PRKCA: variants seen among roughly 807,000 people sequenced by gnomAD.
PRKCA encodes protein kinase C alpha.
Under a neutral mutation model 87.0 loss-of-function variants are expected in PRKCA, and 27 were observed. The ratio of observed to expected loss-of-function variants is 0.31; its 90% CI spans 0.23 to 0.43. The LOEUF (loss-of-function observed/expected upper bound fraction) is 0.43. Among genes scored for constraint, PRKCA ranks in the 20% least tolerant of loss-of-function variants. PRKCA has a pLI of 1.00. For missense variants in PRKCA, 518 were observed against 852.3 expected, an observed-to-expected ratio of 0.61 and a Z score of 4.88; for synonymous variants, 329 against 311.1, an observed-to-expected ratio of 1.06 and a Z score of -0.61.
chr17:66,343,588 G>A (rs1214335670), intron 2 of PRKCA, among the ~76,000 whole-genome samples: 1 of 152,190 alleles, frequency 6.6e-6, no homozygotes, highest in Non-Finnish European at 1.5e-5. Flanking sequence ...GACTATACCA[G>A]TTGGGTACTG....
At chr17:66,389,767 T>A (rs1477264526) in intron 2 of PRKCA, among the ~76,000 whole-genome samples, 2 of 152,254 alleles carry the variant, frequency 1.3e-5, no homozygotes, top group Non-Finnish European at 2.9e-5. Flanking sequence ...TGTTTGATGT[T>A]GGTTGAGAAA....
rs557920443 is a variant in PRKCA, at chr17:66,634,532, A to T, written c.289-6823A>T. On this transcript the variant is annotated intron_variant, in intron 3 of 16. Coordinates refer to ENST00000413366, the MANE Select transcript of PRKCA (RefSeq NM_002737.3). Reference sequence around the variant, plus strand: ...CACCAGATATTTCTTTGTGGCCCTAAGTCTAGCCAGACTTGCTGTAACTTA... The same window carrying T: ...CACCAGATATTTCTTTGTGGCCCTATGTCTAGCCAGACTTGCTGTAACTTA... Among the ~76,000 whole-genome samples the T allele has an allele frequency of 1.0e-3, 156 of 152,360 alleles. 1 individual carries two copies. Among genetic ancestry groups the T allele is most frequent in the Non-Finnish European group, 1.5e-3 (99 of 68,042 alleles).
intron 3 of PRKCA, among the ~76,000 whole-genome samples, chr17:66,528,146 A>G (rs1428527016): frequency 6.9e-6 from 1 of 144,624 alleles, no homozygotes; most frequent in Non-Finnish European, 1.5e-5. Context: ...TGAACCCGGG[A>G]GGCAGAGGTT....
intron 2 of PRKCA, among the ~76,000 whole-genome samples, chr17:66,380,292 A>C (rs969616824): frequency 2.0e-5 from 3 of 151,958 alleles, no homozygotes; most frequent in African/African-American, 7.3e-5. Flanking sequence ...ATACATACAT[A>C]TGTTCGGATG....
chr17:66,796,961 G>A (rs1369581320), intron 16 of PRKCA: 7 of 985,164 alleles, frequency 7.1e-6, no homozygotes, highest in Non-Finnish European at 8.4e-6. Flanking sequence ...TATTTGTTCT[G>A]CATCTTTCCT....
chr17:66,449,894 A>G (rs1216040765), intron 2 of PRKCA, among the ~76,000 whole-genome samples: 1 of 152,084 alleles, frequency 6.6e-6, no homozygotes, highest in Non-Finnish European at 1.5e-5. Flanking sequence ...TTGTTCTGCC[A>G]TGCGCTTCAG....
At chr17:66,459,662 A>G (rs1914752667) in intron 2 of PRKCA, among the ~76,000 whole-genome samples, 1 of 152,050 alleles carries the variant, frequency 6.6e-6, no homozygotes, top group Non-Finnish European at 1.5e-5. Context: ...GCAAAGAGAG[A>G]CCCATGGTTG....
chr17:66,735,098 GATTTC>G (rs1295713517), intron 9 of PRKCA, among the ~76,000 whole-genome samples: 1 of 152,198 alleles, frequency 6.6e-6, no homozygotes. Flanking sequence ...CGCAGGAACT[GATTTC>G]AAGTCTAGGT....
At chr17:66,452,865 AAAAC>A (rs1363538560) in intron 2 of PRKCA, among the ~76,000 whole-genome samples, 6 of 152,184 alleles carry the variant, frequency 3.9e-5, no homozygotes, top group Non-Finnish European at 5.9e-5. Flanking sequence ...CTCCGTCTCA[AAAAC>A]AAACAAACAA....
chr17:66,427,776 A>G (rs1380405287), intron 2 of PRKCA, among the ~76,000 whole-genome samples: 1 of 152,222 alleles, frequency 6.6e-6, no homozygotes, highest in Non-Finnish European at 1.5e-5. Flanking sequence ...CCAAGATGGC[A>G]GGTGCTTAAA....
chr17:66,629,948 A>G lies in PRKCA; in HGVS notation c.289-11407A>G, dbSNP rs115043805. On this transcript the variant is annotated intron_variant, in intron 3 of 16. Coordinates refer to ENST00000413366, the MANE Select transcript of PRKCA (RefSeq NM_002737.3). Reference sequence around the variant, plus strand: ...CATTTCTGGGTTTTGATCATGTGCTATGGTTATGTATAATGCTGTTATTTG... The same window carrying G: ...CATTTCTGGGTTTTGATCATGTGCTGTGGTTATGTATAATGCTGTTATTTG... 6.3e-3 allele frequency among the ~76,000 whole-genome samples: 957 copies of G among 152,266 alleles called. 13 individuals are homozygous for G. The highest frequency in any genetic ancestry group is 0.021 in the African/African-American group (886 of 41,552).
rs746601872 is a variant in PRKCA at position 66,804,911 on chromosome 17, C to T, written c.*874C>T. 7.1e-5 allele frequency: 59 copies of T among 834,210 alleles called. No individual in the cohort carries two copies. Among genetic ancestry groups the T allele is most frequent in the Non-Finnish European group, 8.5e-5 (59 of 694,374 alleles). The allele number at this position is 834,210 out of a possible 1,614,324, so 51.7% of individuals were successfully genotyped here. A position where few individuals can be genotyped will look rare whatever the true frequency, so the allele number is the denominator to read the frequency against. On this transcript the variant is annotated 3_prime_UTR_variant, in exon 17 of 17. Transcript: ENST00000413366. ...ACTCACCAGTGTTGTTCACCAACACCCACCCCCACACACACCAACATTTTG... is the reference window on the plus strand; with the variant it reads ...ACTCACCAGTGTTGTTCACCAACACTCACCCCCACACACACCAACATTTTG...
intron 2 of PRKCA, among the ~76,000 whole-genome samples, chr17:66,316,373 G>A (rs1004712086): frequency 2.0e-5 from 3 of 152,142 alleles, no homozygotes; most frequent in Non-Finnish European, 4.4e-5. Context: ...TCTACATGTA[G>A]AAGATACATT....
intron 14 of PRKCA, among the ~76,000 whole-genome samples, chr17:66,784,834 T>G (rs947184002): frequency 2.6e-5 from 4 of 152,038 alleles, no homozygotes; most frequent in African/African-American, 9.7e-5. Context: ...CTGACACAGG[T>G]GGCCGTCGGC....
At chr17:66,387,538 T>C (rs879448426) in intron 2 of PRKCA, among the ~76,000 whole-genome samples, 2 of 152,230 alleles carry the variant, frequency 1.3e-5, no homozygotes, top group Non-Finnish European at 2.9e-5. Context: ...CCTTTCATCT[T>C]GCCCTTCCTA....
chr17:66,573,329 C>T (rs553455247), intron 3 of PRKCA, among the ~76,000 whole-genome samples: 31 of 152,274 alleles, frequency 2.0e-4, no homozygotes, highest in Non-Finnish European at 3.4e-4. Context: ...TCTAGCTTGC[C>T]TAGCACGCTA....
chr17:66,551,172 CCCACCTTAG>C (rs1354131328), intron 3 of PRKCA, among the ~76,000 whole-genome samples: 2 of 152,180 alleles, frequency 1.3e-5, no homozygotes, highest in Admixed American at 1.3e-4. Context: ...AAGTGATCCT[CCCACCTTAG>C]CCCTGTGAGT....
At chr17:66,644,318 A>G (rs1235247543) in intron 4 of PRKCA, among the ~76,000 whole-genome samples, 3 of 152,208 alleles carry the variant, frequency 2.0e-5, no homozygotes, top group Non-Finnish European at 2.9e-5. Flanking sequence ...TAAACACTCA[A>G]AATGAAACGG....
chr17:66,358,155 C>G (rs1163329603), intron 2 of PRKCA, among the ~76,000 whole-genome samples: 1 of 150,920 alleles, frequency 6.6e-6, no homozygotes, highest in Non-Finnish European at 1.5e-5. Flanking sequence ...ACATAGAGCA[C>G]AATTTTTTTT....
Sources: allele counts gnomAD v4.1 joint callset (sites outside exome capture counted in the v4.1 genomes callset), GRCh38; gene constraint gnomAD v4.1.1; transcripts MANE v1.5; gene names NCBI Gene and HGNC (gene_info 2026-07-23, HGNC 2026-07-21).